The following MGAM2 variants were observed in gnomAD, a reference collection of about 807,000 sequenced individuals.
The protein encoded by MGAM2 is maltase-glucoamylase 2 (putative).
A neutral mutation model predicts 96.1 loss-of-function variants in MGAM2; 98 were observed. The observed-to-expected ratio is 1.02, with a 90% CI of 0.87 to 1.21. The LOEUF (loss-of-function observed/expected upper bound fraction) is 1.21, where lower values mean the gene tolerates loss of function less well. Among genes scored for constraint, MGAM2 ranks in the 50% most tolerant of loss-of-function variants. The pLI, the probability that MGAM2 is intolerant of heterozygous loss-of-function variation, is 0.00. For missense variants in MGAM2, 2,055 were observed against 1,182.4 expected (o/e 1.74, Z -10.82); for synonymous variants, 749 against 414.8 (o/e 1.81, Z -9.79).
At chr7:142,166,649 G>T (rs1014192579) in intron 25 of MGAM2, among the ~76,000 whole-genome samples, 1 of 152,154 alleles carries the variant, frequency 6.6e-6, no homozygotes, top group Non-Finnish European at 1.5e-5. Flanking sequence ...AGATTACATG[G>T]GAGGCAATAA....
Position 142,185,124 on chromosome 7 carries a change from T to C in MGAM2, c.3972T>C (p.His1324=), listed in dbSNP as rs1486372684. ...PNVIVDGSLD[H]ETQVKLYRAY... is the part of the protein sequence containing the mutation. Reference sequence around the variant, plus strand: ...TAATTGTAGATGGATCCCTTGACCATGAAACTCAGGTTAAGGTACAGTTGT... The same window carrying C: ...TAATTGTAGATGGATCCCTTGACCACGAAACTCAGGTTAAGGTACAGTTGT... Residue 1324 remains histidine, a synonymous_variant, in exon 34 of 48, where the codon CAT becomes CAC. Coordinates refer to ENST00000477922, the MANE Select transcript of MGAM2 (RefSeq NM_001293626.2). 2.8e-6 allele frequency: 2 copies of C among 702,958 alleles called. No individual in the cohort carries two copies. The highest frequency in any genetic ancestry group is 5.2e-6 in the Non-Finnish European group (2 of 384,930). The allele number at this position is 702,958 out of a possible 1,614,324, so 43.5% of individuals were successfully genotyped here. A position where few individuals can be genotyped will look rare whatever the true frequency, so the allele number is the denominator to read the frequency against.
At chr7:142,124,332 CT>C (rs1794678181) in intron 3 of MGAM2, among the ~76,000 whole-genome samples, 2 of 152,022 alleles carry the variant, frequency 1.3e-5, no homozygotes, top group South Asian at 2.1e-4. Context: ...AACTGACCAT[CT>C]TTTTCCCTCT....
At chr7:142,164,781 A>G (rs1795983624) in intron 23 of MGAM2, 75 bp from the exon 24 acceptor site, 1 of 570,170 alleles carries the variant, frequency 1.8e-6, no homozygotes, top group East Asian at 3.0e-5. Context: ...AGAAATTGAG[A>G]CATTGACTGG....
chr7:142,206,575 G>A (rs185047161), intron 45 of MGAM2, among the ~76,000 whole-genome samples: 4 of 152,208 alleles, frequency 2.6e-5, no homozygotes, highest in Admixed American at 1.3e-4. Context: ...CAATTAGTAT[G>A]CAAAATCAAC....
At chr7:142,214,492 CA>C (rs1325806094) in intron 46 of MGAM2, among the ~76,000 whole-genome samples, 1 of 152,144 alleles carries the variant, frequency 6.6e-6, no homozygotes, top group African/African-American at 2.4e-5. Context: ...GCAAAAATCA[CA>C]AGCATTTCGA....
At chr7:142,157,890 A>C in intron 17 of MGAM2, 47 bp from the exon 18 acceptor site, 1 of 696,008 alleles carries the variant, frequency 1.4e-6, no homozygotes, top group Non-Finnish European at 2.6e-6. Flanking sequence ...GAACTTCTGA[A>C]CTATGATGGA....
chr7:142,130,391 A>T (rs896349476), intron 3 of MGAM2, among the ~76,000 whole-genome samples: 1 of 152,230 alleles, frequency 6.6e-6, no homozygotes, highest in Non-Finnish European at 1.5e-5. Context: ...CTTGGTAAAA[A>T]TACTATGTGA....
intron 10 of MGAM2, among the ~76,000 whole-genome samples, chr7:142,139,688 A>G (rs1459096299): frequency 6.7e-6 from 1 of 149,270 alleles, no homozygotes; most frequent in Admixed American, 6.7e-5. Context: ...AAAGAATATG[A>G]TGTTAACATC....
chr7:142,138,228 A>T (rs1169475161), intron 9 of MGAM2, among the ~76,000 whole-genome samples: 2 of 152,218 alleles, frequency 1.3e-5, no homozygotes, highest in East Asian at 3.8e-4. Context: ...GTGCCACTAT[A>T]TTCCAAGTGC....
intron 45 of MGAM2, among the ~76,000 whole-genome samples, chr7:142,206,878 C>G (rs56076917): frequency 0.11 from 17,459 of 152,128 alleles, 1,051 homozygotes; most frequent in African/African-American, 0.15. Flanking sequence ...AATGGCTGTT[C>G]AAGGATAATC....
chr7:142,178,941 C>T (rs1373502198), intron 32 of MGAM2, among the ~76,000 whole-genome samples: 1 of 151,950 alleles, frequency 6.6e-6, no homozygotes, highest in Non-Finnish European at 1.5e-5. Flanking sequence ...CTCTGATTTC[C>T]TTCAACAGTG....
At chr7:142,112,234 A>G (rs1332278947) in intron 1 of MGAM2, among the ~76,000 whole-genome samples, 1 of 152,072 alleles carries the variant, frequency 6.6e-6, no homozygotes, top group Non-Finnish European at 1.5e-5. Flanking sequence ...AAGAATTTCT[A>G]CCTTTAGGAA....
At chr7:142,212,486 C>G (rs751854511) in intron 46 of MGAM2, among the ~76,000 whole-genome samples, 2 of 151,862 alleles carry the variant, frequency 1.3e-5, no homozygotes, top group Non-Finnish European at 2.9e-5. Context: ...ACACTAGGCT[C>G]AAAATAAAGG....
At chr7:142,118,657 C>T (rs1414601399) in intron 2 of MGAM2, among the ~76,000 whole-genome samples, 3 of 152,080 alleles carry the variant, frequency 2.0e-5, no homozygotes, top group African/African-American at 7.2e-5. Flanking sequence ...TCCAATGGGG[C>T]CAATAATATC....
At chr7:142,114,208 A>AAGAAAGAAAGAAAGAG (rs1563242751) in intron 1 of MGAM2, among the ~76,000 whole-genome samples, 7 of 133,480 alleles carry the variant, frequency 5.2e-5, no homozygotes, top group African/African-American at 9.7e-5. Context: ...GAAAGAAAGA[A>AAGAAAGAAAGAAAGAG]AGAAAGAGAG....
intron 45 of MGAM2, among the ~76,000 whole-genome samples, chr7:142,203,442 G>A (rs1187403937): frequency 3.3e-5 from 5 of 152,040 alleles, no homozygotes; most frequent in Admixed American, 2.6e-4. Flanking sequence ...GTACAGATTC[G>A]ACACTATTCT....
intron 37 of MGAM2, 131 bp from the exon 38 acceptor site, chr7:142,196,023 G>A (rs1180724049): frequency 1.5e-6 from 1 of 653,626 alleles, no homozygotes; most frequent in Non-Finnish European, 2.8e-6. Context: ...CTTTGAGACA[G>A]CAGATTCTTT....
chr7:142,171,814 T>C (rs1336312515), intron 28 of MGAM2, among the ~76,000 whole-genome samples: 2 of 151,416 alleles, frequency 1.3e-5, no homozygotes, highest in Non-Finnish European at 1.5e-5. Flanking sequence ...TCCAGAGACT[T>C]ATAGGCTAGT....
chr7:142,138,954 A>T (rs978858017), intron 10 of MGAM2, among the ~76,000 whole-genome samples: 3 of 152,310 alleles, frequency 2.0e-5, no homozygotes, highest in Non-Finnish European at 4.4e-5. Flanking sequence ...CCTTTATAGA[A>T]TGAGGATGTA....
Sources: gnomAD v4.1 joint callset for allele counts (sites outside exome capture counted in the v4.1 genomes callset) on GRCh38, gnomAD v4.1.1 for gene constraint, MANE v1.5 for transcripts, NCBI Gene and HGNC (gene_info 2026-07-23, HGNC 2026-07-21) for gene names.